KIFBP: variants seen among roughly 807,000 people sequenced by gnomAD.
KIFBP encodes kinesin family binding protein.
KIFBP carries 46 observed loss-of-function variants against 58.9 expected under a neutral mutation model. That is an observed-to-expected ratio of 0.78 (90% CI 0.62 to 1.00). The LOEUF is 1.00. KIFBP is among the 50% of genes least tolerant of loss of function. The pLI, the probability that KIFBP is intolerant of heterozygous loss-of-function variation, is 0.00. For missense variants in KIFBP, 651 were observed against 752.9 expected, an observed-to-expected ratio of 0.86 and a Z score of 1.58; for synonymous variants, 241 against 283.4, an observed-to-expected ratio of 0.85 and a Z score of 1.50.
intron 2 of KIFBP, among the ~76,000 whole-genome samples, chr10:69,002,885 A>G (rs549003261): frequency 1.3e-5 from 2 of 151,344 alleles, no homozygotes; most frequent in South Asian, 2.1e-4. Flanking sequence ...TAGGTAACCA[A>G]ATAAGACCCT....
chr10:68,997,315 A>G (rs1450196006), intron 1 of KIFBP, among the ~76,000 whole-genome samples: 1 of 152,180 alleles, frequency 6.6e-6, no homozygotes, highest in Admixed American at 6.5e-5. Flanking sequence ...CCCAAATCTC[A>G]TGTTGAATTG....
intron 1 of KIFBP, among the ~76,000 whole-genome samples, chr10:68,994,444 T>C (rs1449018235): frequency 6.6e-6 from 1 of 152,260 alleles, no homozygotes; most frequent in Middle Eastern, 3.4e-3. Flanking sequence ...CTATATTATT[T>C]ATCAAAAGAG....
At chr10:69,005,686 A>C (rs1448811620) in intron 3 of KIFBP, 46 bp from the exon 4 acceptor site, 2 of 1,469,370 alleles carry the variant, frequency 1.4e-6, no homozygotes, top group East Asian at 4.6e-5. Flanking sequence ...AAAAAAAAAA[A>C]ACAAGTAAAC....
At chr10:69,003,780 G>A (rs1843497761) in intron 2 of KIFBP, among the ~76,000 whole-genome samples, 1 of 152,094 alleles carries the variant, frequency 6.6e-6, no homozygotes, top group Admixed American at 6.6e-5. Context: ...AAAAATATTA[G>A]AATAAATATT....
intron 1 of KIFBP, among the ~76,000 whole-genome samples, chr10:68,990,690 TA>T (rs2132105458): frequency 6.6e-6 from 1 of 152,172 alleles, no homozygotes; most frequent in African/African-American, 2.4e-5. Flanking sequence ...TGTTGATTAT[TA>T]AAGAAGGAAA....
At chr10:68,995,183 TA>T (rs1843391773) in intron 1 of KIFBP, 1 of 152,114 alleles carries the variant, frequency 6.6e-6, no homozygotes, top group Non-Finnish European at 1.5e-5. Context: ...CACGCCCAGC[TA>T]ATTTTTGTAT....
chr10:69,015,169 G>A (rs757638022), intron 6 of KIFBP, among the ~76,000 whole-genome samples: 2 of 152,062 alleles, frequency 1.3e-5, no homozygotes, highest in East Asian at 1.9e-4. Flanking sequence ...TGATCTGTCC[G>A]CCTTGGCCTC....
Position 69,016,090 on chromosome 10 carries a change from C to T in KIFBP, c.1540C>T (p.Leu514=), listed in dbSNP as rs1340888692. The change falls in exon 7 of 7, where the codon CTG becomes TTG. Residue 514 remains leucine (L), a synonymous_variant. Coordinates refer to ENST00000361983, the MANE Select transcript of KIFBP (RefSeq NM_015634.4). ...AATAAATAATCTTAATAAGTCAGCA[C>T]TGAAGTACTACCAGCTCTTCTTAGA... ...KKINNLNKSA[L]KYYQLFLDSL... The T allele has an allele frequency of 4.3e-6, 7 of 1,614,048 alleles. No individual in the cohort carries two copies. The highest frequency in any genetic ancestry group is 3.3e-5 in the Admixed American group (2 of 60,014).
chr10:69,008,391 A>AAAAAAAAAAAATAT, intron 4 of KIFBP, among the ~76,000 whole-genome samples: 81 of 71,578 alleles, frequency 1.1e-3, no homozygotes, highest in South Asian at 5.8e-3. Context: ...AAAAAAAAAA[A>AAAAAAAAAAAATAT]ATATATATAT....
At chr10:68,994,764 ATACC>A (rs1843386986) in intron 1 of KIFBP, among the ~76,000 whole-genome samples, 1 of 152,088 alleles carries the variant, frequency 6.6e-6, no homozygotes, top group African/African-American at 2.4e-5. Flanking sequence ...ATATATATTT[ATACC>A]TGTGAAACAA....
At chr10:69,005,406 G>A (rs1001728110) in intron 3 of KIFBP, among the ~76,000 whole-genome samples, 2 of 152,110 alleles carry the variant, frequency 1.3e-5, no homozygotes, top group Admixed American at 6.6e-5. Context: ...GTCCGGACAC[G>A]GTGGCTTACA....
chr10:69,015,548 T>C lies in KIFBP; in HGVS notation c.998T>C (p.Ile333Thr). The change falls in exon 7 of 7, where the codon ATA becomes ACA. Residue 333 changes from isoleucine to threonine, a missense_variant. Coordinates refer to ENST00000361983, the MANE Select transcript of KIFBP (RefSeq NM_015634.4). ...TATTTTTTTTTCCTTCAGGACAACA[T>C]AGGAGAGCTTGATCTTGATAAACAG... ...QNAQLSMQDN[I>T]GELDLDKQSE... 6.2e-7 allele frequency: 1 copy of C among 1,613,568 alleles called. No homozygotes were observed. The highest frequency in any genetic ancestry group is 8.5e-7 in the Non-Finnish European group (1 of 1,179,816).
At chr10:68,997,873 T>C (rs1843423290) in intron 1 of KIFBP, among the ~76,000 whole-genome samples, 1 of 152,132 alleles carries the variant, frequency 6.6e-6, no homozygotes, top group African/African-American at 2.4e-5. Context: ...CACTCTATTT[T>C]TGGGACAGGG....
At chr10:68,995,240 A>T (rs532927372) in intron 1 of KIFBP, 85 of 152,260 alleles carry the variant, frequency 5.6e-4, no homozygotes, top group African/African-American at 1.9e-3. Context: ...GCCTCAAGTG[A>T]TTCGCCTGCG....
chr10:68,989,553 C>A, intron 1 of KIFBP: 1 of 534,680 alleles, frequency 1.9e-6, no homozygotes, highest in Non-Finnish European at 3.4e-6. Context: ...GCATTGGTGT[C>A]CGAGACCCTC....
At chr10:68,997,215 G>C (rs933328551) in intron 1 of KIFBP, among the ~76,000 whole-genome samples, 3 of 152,098 alleles carry the variant, frequency 2.0e-5, no homozygotes, top group Non-Finnish European at 2.9e-5. Flanking sequence ...AACTACATAA[G>C]TAATAGAGGC....
At chr10:69,005,675 GA>G (rs371924027) in intron 3 of KIFBP, 56 bp from the exon 4 acceptor site, 26,336 of 1,090,738 alleles carry the variant, frequency 0.024, no homozygotes, top group East Asian at 0.028. Context: ...TCTGTCTCAG[GA>G]AAAAAAAAAA....
Position 69,008,391 on chromosome 10 carries a change from AATATATATAT to A in KIFBP, c.790-431_790-422del, listed in dbSNP as rs1173764355. Among the ~76,000 whole-genome samples, 5 of 71,614 alleles carry A rather than the reference AATATATATAT, an allele frequency of 7.0e-5. 1 individual carries two copies. The highest frequency in any genetic ancestry group is 2.3e-4 in the African/African-American group (3 of 12,884). The allele number at this position is 71,614 out of a possible 152,430, so 47.0% of individuals were successfully genotyped here. On this transcript the variant is annotated intron_variant, in intron 4 of 6. Transcript: ENST00000361983. ...CCCCTGTCTCGTAAAAAAAAAAAAAAATATATATATATATATATATATATATATTCAGTCT... is the reference window on the plus strand; with the variant it reads ...CCCCTGTCTCGTAAAAAAAAAAAAAAATATATATATATATATATTCAGTCT...
In KIFBP at chr10:69,005,099, A is replaced by G; in HGVS notation, c.579A>G (p.Lys193=). The G allele has an allele frequency of 6.2e-7, 1 of 1,613,230 alleles. No homozygotes were observed. Among genetic ancestry groups the G allele is most frequent in the Admixed American group, 1.7e-5 (1 of 60,018 alleles). The part of the protein sequence containing the change: ...PTERFLPEEE[K]LTEQERSKRF... ...AGCGTTTTCTTCCTGAAGAAGAGAAACTTACTGAACAAGAGAGATCAAAAA... is the reference window on the plus strand; with the variant it reads ...AGCGTTTTCTTCCTGAAGAAGAGAAGCTTACTGAACAAGAGAGATCAAAAA... The change falls in exon 3 of 7, where the codon AAA becomes AAG. Residue 193 remains lysine (K), a synonymous_variant. Coordinates refer to ENST00000361983, the MANE Select transcript of KIFBP (RefSeq NM_015634.4).
Sources: allele counts gnomAD v4.1 joint callset (sites outside exome capture counted in the v4.1 genomes callset), GRCh38; gene constraint gnomAD v4.1.1; transcripts MANE v1.5; gene names NCBI Gene and HGNC (gene_info 2026-07-23, HGNC 2026-07-21).